The following PRKN variants were observed in gnomAD, a reference collection of about 807,000 sequenced individuals.
PRKN encodes the protein E3 ubiquitin-protein ligase parkin.
PRKN carries 56 observed loss-of-function variants against 59.5 expected under a neutral mutation model. The observed-to-expected ratio is 0.94, with a 90% CI of 0.76 to 1.18. PRKN has a LOEUF of 1.18. PRKN is among the 50% of genes most tolerant of loss of function. The pLI is 0.00. For synonymous variants in PRKN, 250 were observed against 222.1 expected, an observed-to-expected ratio of 1.13 and a Z score of -1.12; for missense variants, 657 against 596.4, an observed-to-expected ratio of 1.10 and a Z score of -1.06.
At chr6:162,409,779 C>T (rs1017666124) in intron 2 of PRKN, among the ~76,000 whole-genome samples, 4 of 152,166 alleles carry the variant, frequency 2.6e-5, no homozygotes, top group Non-Finnish European at 4.4e-5. Context: ...AACACACTAA[C>T]TAGAAACAGC....
rs144843061 is a variant in PRKN, at chr6:162,398,444, G to A, written c.171+44866C>T. The stretch of plus-strand genomic sequence containing the variant: ...TTGCTCTTATCACCCAGGCTGGAGT[G>A]CAATGGCACAATCTCGGCTCACTGA... On this transcript the variant is annotated intron_variant, in intron 2 of 11. Transcript: ENST00000366898. Among the ~76,000 whole-genome samples, 1,008 of 151,868 alleles carry A rather than the reference G, an allele frequency of 6.6e-3. 8 individuals carry two copies. The highest frequency in any genetic ancestry group is 0.014 in the Middle Eastern group (4 of 294).
chr6:161,805,732 G>A (rs930864409), intron 6 of PRKN, among the ~76,000 whole-genome samples: 1 of 152,222 alleles, frequency 6.6e-6, no homozygotes, highest in Non-Finnish European at 1.5e-5. Flanking sequence ...CATTTGATGT[G>A]TCTGAAGGAT....
intron 1 of PRKN, among the ~76,000 whole-genome samples, chr6:162,504,604 A>C (rs572558042): frequency 2.6e-5 from 4 of 152,158 alleles, no homozygotes; most frequent in Non-Finnish European, 5.9e-5. Flanking sequence ...TGTGAAAAGC[A>C]AAGTGTTAAC....
intron 2 of PRKN, among the ~76,000 whole-genome samples, chr6:162,368,045 C>T (rs1008525483): frequency 3.9e-5 from 6 of 152,088 alleles, no homozygotes; most frequent in Non-Finnish European, 5.9e-5. Flanking sequence ...AAAATGACAG[C>T]GCCTTTCCCC....
At chr6:162,110,168 T>C (rs995311467) in intron 4 of PRKN, among the ~76,000 whole-genome samples, 1 of 152,162 alleles carries the variant, frequency 6.6e-6, no homozygotes, top group Admixed American at 6.5e-5. Context: ...GGGTTCTCAC[T>C]ATGGGAAAAG....
At chr6:162,585,772 G>T (rs779717184) in intron 1 of PRKN, among the ~76,000 whole-genome samples, 57 of 150,970 alleles carry the variant, frequency 3.8e-4, no homozygotes, top group Non-Finnish European at 4.9e-4. Flanking sequence ...GTGTGATCTC[G>T]GCTCACTGCA....
intron 1 of PRKN, among the ~76,000 whole-genome samples, chr6:162,564,113 G>A (rs954718634): frequency 5.9e-5 from 9 of 152,056 alleles, no homozygotes; most frequent in Admixed American, 6.6e-5. Context: ...TTGGGAGGCC[G>A]AGGTGGGTGG....
intron 4 of PRKN, among the ~76,000 whole-genome samples, chr6:162,191,057 C>T (rs114312450): frequency 0.01 from 1,577 of 152,290 alleles, 19 homozygotes; most frequent in African/African-American, 0.026. Context: ...AAGTCTAGTA[C>T]AGGCAAAGTG....
rs1365980693 is a variant in PRKN at position 161,544,199 on chromosome 6, T to A, written c.1083+4655A>T. On this transcript the variant is annotated intron_variant, in intron 9 of 11. Coordinates refer to ENST00000366898, the MANE Select transcript of PRKN (RefSeq NM_004562.3). The surrounding 1 kb of genome is among the most constrained non-coding windows in gnomAD (Gnocchi z 5.5). The stretch of plus-strand genomic sequence containing the variant: ...AATGTACTCTTTACTTGGCCGTGTA[T>A]GTAGCCTTTGATAGAGCACACCAAT... Among the ~76,000 whole-genome samples the A allele has an allele frequency of 6.6e-6, 1 of 152,236 alleles. No individual in the cohort carries two copies. The highest frequency in any genetic ancestry group is 1.5e-5 in the Non-Finnish European group (1 of 68,044).
intron 1 of PRKN, among the ~76,000 whole-genome samples, chr6:162,516,785 A>T (rs964643128): frequency 3.9e-5 from 6 of 151,948 alleles, no homozygotes; most frequent in Non-Finnish European, 5.9e-5. Flanking sequence ...AAAGAAAGAA[A>T]AGAAAAGAAA....
chr6:161,411,369 A>G (rs1178477572), intron 9 of PRKN, among the ~76,000 whole-genome samples: 1 of 152,194 alleles, frequency 6.6e-6, no homozygotes, highest in African/African-American at 2.4e-5. Flanking sequence ...GCCGCCATGT[A>G]AGACATGCCT....
rs1415802390 is a variant in PRKN at position 161,445,887 on chromosome 6, C to T, written c.1084-59010G>A. The stretch of plus-strand genomic sequence containing the variant: ...TTCCTTTGCCCGGAGAGTTCAGAGG[C>T]CTTAGTTCTGGAAAGCCTCCTGTGG... On this transcript the variant is annotated intron_variant, in intron 9 of 11. Coordinates refer to ENST00000366898, the MANE Select transcript of PRKN (RefSeq NM_004562.3). This position sits in a 1 kb window ranked among gnomAD's most constrained non-coding sequence, Gnocchi z 7.7. 6.6e-6 allele frequency among the ~76,000 whole-genome samples: 1 copy of T among 151,850 alleles called. No homozygotes were observed. The highest frequency in any genetic ancestry group is 2.0e-4 in the East Asian group (1 of 5,126).
chr6:161,760,252 G>A (rs973111581), intron 7 of PRKN, among the ~76,000 whole-genome samples: 5 of 42,444 alleles, frequency 1.2e-4, no homozygotes, highest in Non-Finnish European at 2.7e-4. Context: ...GTCAGACTGA[G>A]TCACATCAAT....
chr6:162,670,952 C>T (rs1385511347), intron 1 of PRKN, among the ~76,000 whole-genome samples: 2 of 152,006 alleles, frequency 1.3e-5, no homozygotes, highest in Non-Finnish European at 2.9e-5. Context: ...AATGTTTAAC[C>T]AAGTAGGTGA....
chr6:161,861,975 T>C (rs1793922247), intron 6 of PRKN, among the ~76,000 whole-genome samples: 1 of 152,144 alleles, frequency 6.6e-6, no homozygotes, highest in East Asian at 1.9e-4. Flanking sequence ...TGGGAGAATA[T>C]ATTCTTTGCC....
At chr6:162,077,320 G>A (rs563478538) in intron 4 of PRKN, among the ~76,000 whole-genome samples, 15 of 152,228 alleles carry the variant, frequency 9.9e-5, no homozygotes, top group Non-Finnish European at 1.6e-4. Flanking sequence ...CTAGGTGTCT[G>A]GTAGGCTACA....
intron 1 of PRKN, among the ~76,000 whole-genome samples, chr6:162,532,170 G>GGCTACAATCCCTAACAGAACCTTT (rs1778541445): frequency 6.6e-6 from 1 of 151,534 alleles, no homozygotes. Context: ...CCTCTCTCCA[G>GGCTACAATCCCTAACAGAACCTTT]ATAGCACAAA....
intron 2 of PRKN, among the ~76,000 whole-genome samples, chr6:162,393,427 T>C (rs1787315344): frequency 6.6e-6 from 1 of 152,080 alleles, no homozygotes; most frequent in Non-Finnish European, 1.5e-5. Context: ...CCCAAAGTGC[T>C]GGGATTACAG....
intron 2 of PRKN, among the ~76,000 whole-genome samples, chr6:162,442,883 C>A (rs1035094470): frequency 2.0e-5 from 3 of 152,150 alleles, no homozygotes; most frequent in African/African-American, 7.2e-5. Flanking sequence ...TCACTAACCT[C>A]CAGGGGTCAC....
Sources: gnomAD v4.1 joint callset for allele counts (sites outside exome capture counted in the v4.1 genomes callset) on GRCh38, gnomAD v4.1.1 for gene constraint, Gnocchi (gnomAD v3.1) non-coding constraint, MANE v1.5 for transcripts, NCBI Gene and HGNC (gene_info 2026-07-23, HGNC 2026-07-21) for gene names.